Variants in AKT2 observed in about 807,000 individuals in gnomAD.
The protein encoded by AKT2 is RAC-beta serine/threonine-protein kinase.
In AKT2, 16 loss-of-function variants were observed where a neutral mutation model predicts 58.6. The ratio of observed to expected loss-of-function variants is 0.27; its 90% confidence interval spans 0.18 to 0.41. The LOEUF is 0.41. Ranked by LOEUF, AKT2 falls within the 10% of genes least tolerant of loss-of-function variation. The pLI is 1.00. For missense variants in AKT2, 438 were observed against 661.0 expected (o/e 0.66, Z 3.70); for synonymous variants, 253 against 254.0 (o/e 1.00, Z 0.04).
In AKT2 at chr19:40,238,933, A is replaced by G; in HGVS notation, c.680T>C (p.Phe227Ser). ...ACCCCCGTTGGCATACTCCATCACA[A>G]AGCACAGGCGGTCGTGGGTCTGGAA... is the stretch of plus-strand genomic sequence containing the variant. ...YAFQTHDRLC[F>S]VMEYANGGEL... Residue 227 changes from phenylalanine to serine, a missense_variant, in exon 8 of 14, where the codon TTT becomes TCT. Physicochemically the swap from Phe to Ser is radical, Grantham distance 155 (BLOSUM62 -2). Transcript: ENST00000392038. This position sits in a 1 kb window ranked among gnomAD's most constrained non-coding sequence, Gnocchi z 5.1. 2 of 1,613,916 alleles carry G rather than the reference A, an allele frequency of 1.2e-6. No individual in the cohort carries two copies. The highest frequency in any genetic ancestry group is 1.7e-6 in the Non-Finnish European group (2 of 1,179,906).
intron 6 of AKT2, among the ~76,000 whole-genome samples, chr19:40,240,567 A>G (rs1024771913): frequency 2.6e-5 from 4 of 152,206 alleles, no homozygotes; most frequent in Non-Finnish European, 5.9e-5. Flanking sequence ...ACCTACCCCC[A>G]GGCCCACTGA....
At chr19:40,243,944 T>G (rs1974571408) in intron 4 of AKT2, 4 of 151,702 alleles carry the variant, frequency 2.6e-5, no homozygotes, top group Non-Finnish European at 5.9e-5. Flanking sequence ...CTCGGGAGGC[T>G]GAGGCAAGAG....
chr19:40,235,308 G>A lies in AKT2; in HGVS notation c.1218C>T (p.His406=), dbSNP rs1490411970. Residue 406 remains histidine (H), a synonymous_variant, in exon 12 of 14, where the codon CAC becomes CAT. Transcript: ENST00000392038. This position sits in a 1 kb window ranked among gnomAD's most constrained non-coding sequence, Gnocchi z 6.3. ...GCCAGTTGATGCTGAGGAAGAACCTGTGCTCCATGACCTCCTTGGCATCGC... is the reference window on the plus strand; with the variant it reads ...GCCAGTTGATGCTGAGGAAGAACCTATGCTCCATGACCTCCTTGGCATCGC... ...GPSDAKEVME[H]RFFLSINWQD... 1 of 1,614,034 alleles carries A rather than the reference G, an allele frequency of 6.2e-7. No individual in the cohort carries two copies. Among genetic ancestry groups the A allele is most frequent in the African/African-American group, 1.3e-5 (1 of 75,048 alleles).
chr19:40,283,814 T>C (rs941628759), intron 1 of AKT2, among the ~76,000 whole-genome samples: 2 of 151,974 alleles, frequency 1.3e-5, no homozygotes, highest in African/African-American at 4.8e-5. Flanking sequence ...CCACTCCAAG[T>C]CCCCTTGGCC....
At chr19:40,255,417 T>C (rs1975469478) in intron 3 of AKT2, 148 bp from the exon 4 acceptor site, 17 of 626,482 alleles carry the variant, frequency 2.7e-5, no homozygotes, top group South Asian at 2.1e-4. Context: ...CCTGGTCCTG[T>C]TCTCACAGGG....
chr19:40,275,282 C>T (rs1455669670), intron 1 of AKT2: 1 of 456,782 alleles, frequency 2.2e-6, no homozygotes, highest in Admixed American at 2.3e-5. Flanking sequence ...CACGCATGCA[C>T]GGGAGCCCTC....
chr19:40,236,714 C>A, intron 9 of AKT2: 1 of 374,538 alleles, frequency 2.7e-6, no homozygotes. Flanking sequence ...TTTTTCTAGA[C>A]TTTCTGTCCT....
intron 2 of AKT2, among the ~76,000 whole-genome samples, chr19:40,264,943 G>A (rs1005026153): frequency 6.6e-6 from 1 of 152,188 alleles, no homozygotes; most frequent in African/African-American, 2.4e-5. Flanking sequence ...CACTGTGTTA[G>A]TTCAGTGACG....
chr19:40,242,497 G>A lies in AKT2; in HGVS notation c.441+37C>T, dbSNP rs571740195. 61 of 1,611,614 alleles carry A rather than the reference G, an allele frequency of 3.8e-5. No individual in the cohort carries two copies. The highest frequency in any genetic ancestry group is 1.7e-4 in the Middle Eastern group (1 of 6,060). On this transcript the variant is annotated intron_variant, in intron 5 of 13. Coordinates refer to ENST00000392038, the MANE Select transcript of AKT2 (RefSeq NM_001626.6). The surrounding 1 kb of genome is among the most constrained non-coding windows in gnomAD (Gnocchi z 4.3). ...GGCCAGCACTGGGGGTGGGGGCACCGCAGGCTGGCAGCCCCACCCCTGCTC... is the reference window on the plus strand; with the variant it reads ...GGCCAGCACTGGGGGTGGGGGCACCACAGGCTGGCAGCCCCACCCCTGCTC...
intron 1 of AKT2, chr19:40,282,899 G>C (rs1222032817): frequency 1.1e-5 from 2 of 184,926 alleles, no homozygotes; most frequent in Non-Finnish European, 2.3e-5. Context: ...GCCAAGGTTG[G>C]CCAAGGGCTC....
intron 6 of AKT2, 35 bp downstream of exon 6, chr19:40,241,903 C>CA: frequency 1.2e-6 from 2 of 1,612,314 alleles, no homozygotes; most frequent in Non-Finnish European, 8.5e-7. Flanking sequence ...GCAGCCCCCA[C>CA]AGAGGCTCGC....
chr19:40,241,046 C>T (rs1974375025), intron 6 of AKT2: 1 of 152,410 alleles, frequency 6.6e-6, no homozygotes, highest in Admixed American at 6.5e-5. Context: ...CCTCAGCCTT[C>T]TAAAGTGCTG....
In AKT2 at chr19:40,242,657, G is replaced by A. The variant is rs769503941; in HGVS notation, c.318C>T (p.Val106=). 2.9e-5 allele frequency: 47 copies of A among 1,612,380 alleles called. No individual in the cohort carries two copies. Among genetic ancestry groups the A allele is most frequent in the Non-Finnish European group, 3.7e-5 (44 of 1,180,008 alleles). The stretch of plus-strand genomic sequence containing the variant: ...GGGCCCGCTGCTTGAGGCTGTTGGC[G>A]ACCATCTGGATGGCCCGCATCCACT... ...REEWMRAIQM[V]ANSLKQRAPG... The change falls in exon 5 of 14, where the codon GTC becomes GTT. Residue 106 remains valine (V), a synonymous_variant. Transcript: ENST00000392038. This position sits in a 1 kb window ranked among gnomAD's most constrained non-coding sequence, Gnocchi z 4.3.
intron 4 of AKT2, among the ~76,000 whole-genome samples, chr19:40,250,364 A>T (rs2145257896): frequency 6.6e-6 from 1 of 152,144 alleles, no homozygotes; most frequent in Non-Finnish European, 1.5e-5. Flanking sequence ...TGAGCTAGGC[A>T]TGGTGGCGCG....
chr19:40,277,575 C>A (rs897558091), intron 1 of AKT2, among the ~76,000 whole-genome samples: 3 of 152,192 alleles, frequency 2.0e-5, no homozygotes, highest in Admixed American at 1.3e-4. Flanking sequence ...CTCTCTCCCC[C>A]TCACCCACTC....
At chr19:40,267,223 A>G (rs1976423294) in intron 1 of AKT2, among the ~76,000 whole-genome samples, 2 of 152,106 alleles carry the variant, frequency 1.3e-5, no homozygotes, top group African/African-American at 4.8e-5. Context: ...TGTTCCCAGC[A>G]AAAAAGCCAA....
Position 40,234,625 on chromosome 19 carries a change from C to T in AKT2, c.1366+420G>A, listed in dbSNP as rs1415819082. 4 of 472,896 alleles carry T rather than the reference C, an allele frequency of 8.5e-6. No homozygotes were observed. The highest frequency in any genetic ancestry group is 3.8e-5 in the Admixed American group (1 of 26,424). 29.3% of individuals were successfully genotyped at this position (472,896 alleles called of 1,614,324 possible). A position where few individuals can be genotyped will look rare whatever the true frequency, so the allele number is the denominator to read the frequency against. On this transcript the variant is annotated intron_variant, in intron 13 of 13. Transcript: ENST00000392038. This position sits in a 1 kb window ranked among gnomAD's most constrained non-coding sequence, Gnocchi z 4.7. ...GGATTCCCCAGTCCCTGGCCTCCCACGCCCTAGCCCTGACCACTCCAGGCC... is the reference window on the plus strand; with the variant it reads ...GGATTCCCCAGTCCCTGGCCTCCCATGCCCTAGCCCTGACCACTCCAGGCC...
intron 2 of AKT2, 114 bp from the exon 3 acceptor site, chr19:40,257,168 G>T: frequency 7.3e-7 from 1 of 1,372,910 alleles, no homozygotes; most frequent in Non-Finnish European, 1.0e-6. Flanking sequence ...CACGGGGCGG[G>T]GAGGTGCGGG....
chr19:40,254,060 T>C (rs1336053052), intron 4 of AKT2, among the ~76,000 whole-genome samples: 1 of 151,126 alleles, frequency 6.6e-6, no homozygotes, highest in Non-Finnish European at 1.5e-5. Context: ...AGTGATTAAC[T>C]GGGGGGCAGG....
Sources: gnomAD v4.1 joint callset for allele counts (sites outside exome capture counted in the v4.1 genomes callset) on GRCh38, gnomAD v4.1.1 for gene constraint, Gnocchi (gnomAD v3.1) non-coding constraint, MANE v1.5 for transcripts, NCBI Gene and HGNC (gene_info 2026-07-23, HGNC 2026-07-21) for gene names.